RNASEL: variants seen among roughly 807,000 people sequenced by gnomAD.
RNASEL encodes the protein ribonuclease L, also known as 2-5A-dependent ribonuclease.
A neutral mutation model predicts 50.9 loss-of-function variants in RNASEL; 36 were observed. The observed-to-expected ratio is 0.71, with a 90% confidence interval of 0.54 to 0.93. The LOEUF is 0.93. Ranked by LOEUF, RNASEL falls within the 40% of genes least tolerant of loss-of-function variation. The pLI is 0.00. For synonymous variants in RNASEL, 335 were observed against 335.6 expected (o/e 1.00, Z 0.02); for missense variants, 860 against 894.5 (o/e 0.96, Z 0.49).
chr1:182,581,907 A>C (rs1002301487), intron 4 of RNASEL, 146 bp downstream of exon 4: 2 of 763,880 alleles, frequency 2.6e-6, no homozygotes, highest in Non-Finnish European at 4.7e-6. Flanking sequence ...AGAGAGGTTA[A>C]GTCATCTCTC....
chr1:182,585,956 T>C lies in RNASEL; in HGVS notation c.851A>G (p.Lys284Arg). Residue 284 changes from lysine (K) to arginine (R), a missense_variant, in exon 2 of 7, where the codon AAA (lysine) becomes AGA (arginine). Coordinates refer to ENST00000367559, the MANE Select transcript of RNASEL (RefSeq NM_021133.4). ...KTALLLAVEL[K>R]LKKIAELLCK... ...CAGCAACTCGGCGATTTTCTTCAGTTTGAGTTCAACAGCAAGCAGCAGTGC... is the reference window on the plus strand; with the variant it reads ...CAGCAACTCGGCGATTTTCTTCAGTCTGAGTTCAACAGCAAGCAGCAGTGC... 1.2e-6 allele frequency: 2 copies of C among 1,614,192 alleles called. No individual in the cohort carries two copies. Among genetic ancestry groups the C allele is most frequent in the African/African-American group, 2.7e-5 (2 of 75,062 alleles).
At chr1:182,584,378 CTTACATTTTATT>C (rs1437935922) in intron 2 of RNASEL, among the ~76,000 whole-genome samples, 1 of 152,114 alleles carries the variant, frequency 6.6e-6, no homozygotes, top group Non-Finnish European at 1.5e-5. Context: ...AAGAGCAGCA[CTTACATTTTATT>C]TTTTCCAGGC....
intron 5 of RNASEL, among the ~76,000 whole-genome samples, chr1:182,577,723 T>C (rs1050390490): frequency 6.6e-6 from 1 of 152,014 alleles, no homozygotes; most frequent in African/African-American, 2.4e-5. Flanking sequence ...CATTATGATA[T>C]ACCTCCAATT....
chr1:182,582,043 T>C lies in RNASEL; in HGVS notation c.1772+10A>G. On this transcript the variant is annotated intron_variant, in intron 4 of 6. Transcript: ENST00000367559. ...GGAGGCCTGTGGCATCTGCACAAAG[T>C]TTTACTTACCTCTCCCAAGTCCAAA... is the stretch of plus-strand genomic sequence containing the variant. 1 of 1,613,698 alleles carries C rather than the reference T, an allele frequency of 6.2e-7. No individual in the cohort carries two copies. Among genetic ancestry groups the C allele is most frequent in the South Asian group, 1.1e-5 (1 of 91,072 alleles).
At chr1:182,587,622 A>G (rs1014731938) in intron 1 of RNASEL, among the ~76,000 whole-genome samples, 2 of 151,792 alleles carry the variant, frequency 1.3e-5, no homozygotes, top group African/African-American at 4.8e-5. Flanking sequence ...TTCCAAAAAA[A>G]AAAAAAAAAG....
At chr1:182,579,427 A>T in intron 5 of RNASEL, 1 of 996,312 alleles carries the variant, frequency 1.0e-6, no homozygotes. Flanking sequence ...TAGGAAGAGT[A>T]ACTGATGAAA....
chr1:182,585,924 G>C lies in RNASEL; in HGVS notation c.883C>G (p.Arg295Gly), dbSNP rs1661585762. ...TCCCCACAATCTGTACTGGCTCCAC[G>C]TTTGCACAGCAACTCGGCGATTTTC... ...LKKIAELLCK[R>G]GASTDCGDLV... Residue 295 changes from arginine (R) to glycine (G), a missense_variant, in exon 2 of 7, where the codon CGT becomes GGT. Coordinates refer to ENST00000367559, the MANE Select transcript of RNASEL (RefSeq NM_021133.4). 6.2e-7 allele frequency: 1 copy of C among 1,614,120 alleles called. No individual in the cohort carries two copies. The highest frequency in any genetic ancestry group is 8.5e-7 in the Non-Finnish European group (1 of 1,180,010).
intron 4 of RNASEL, among the ~76,000 whole-genome samples, chr1:182,581,633 C>A (rs1661499630): frequency 6.6e-6 from 1 of 151,762 alleles, no homozygotes; most frequent in Admixed American, 6.6e-5. Flanking sequence ...AGGCACCTGC[C>A]ACCACACTCG....
intron 5 of RNASEL, chr1:182,576,624 TC>T: frequency 2.2e-5 from 9 of 408,224 alleles, no homozygotes; most frequent in South Asian, 6.0e-5. Context: ...CCCAGCACTT[TC>T]AGAGGCCGAA....
Position 182,576,270 on chromosome 1 carries a change from T to G in RNASEL, c.2025A>C (p.Glu675Asp). 1 of 1,611,646 alleles carries G rather than the reference T, an allele frequency of 6.2e-7. No homozygotes were observed. Residue 675 changes from glutamate to aspartate, a missense_variant, in exon 6 of 7, where the codon GAA (glutamate) becomes GAC (aspartate). Glu to Asp is a conservative substitution (Grantham distance 45). Transcript: ENST00000367559. ...ACAATACTTACTTTTTATGCTTTTC[T>G]TCATCAATGTGTTCTCCCAAATTCC... ...FIRNLGEHID[E>D]EKHKKMKLKI...
chr1:182,586,890 T>C lies in RNASEL; in HGVS notation c.-84A>G, dbSNP rs1661612164. On this transcript the variant is annotated 5_prime_UTR_variant, in exon 2 of 7. Coordinates refer to ENST00000367559, the MANE Select transcript of RNASEL (RefSeq NM_021133.4). ...TCTCCTAGCACTTAATCAAAGAAGC[T>C]TTGAGTGTAAATTGGGATTCTCTGG... 47 of 1,580,716 alleles carry C rather than the reference T, an allele frequency of 3.0e-5. No individual in the cohort carries two copies. In the South Asian group the frequency reaches 4.1e-4, roughly 14 times the overall value.
At position 182,583,461 on chromosome 1, in the gene RNASEL, T is replaced by TAATGA. The variant is rs548124108; in HGVS notation, c.1566+615_1566+619dup. Among the ~76,000 whole-genome samples the TAATGA allele has an allele frequency of 1.8e-4, 27 of 152,344 alleles. No homozygotes were observed. In the South Asian group the frequency reaches 5.4e-3, roughly 30 times the overall value. On this transcript the variant is annotated intron_variant, in intron 3 of 6. Coordinates refer to ENST00000367559, the MANE Select transcript of RNASEL (RefSeq NM_021133.4). Reference sequence around the variant, plus strand: ...CTCCAATTGCCCATAGGAAATAAGGTAATGAACTGTGACGGTTAATATTGA... The same window carrying TAATGA: ...CTCCAATTGCCCATAGGAAATAAGGTAATGAAATGAACTGTGACGGTTAATATTGA...
chr1:182,581,323 A>G lies in RNASEL; in HGVS notation c.1807T>C (p.Ser603Pro). 1.2e-6 allele frequency: 2 copies of G among 1,613,994 alleles called. No individual in the cohort carries two copies. Among genetic ancestry groups the G allele is most frequent in the Non-Finnish European group, 1.7e-6 (2 of 1,180,002 alleles). Residue 603 changes from serine (S) to proline (P), a missense_variant, in exon 5 of 7, where the codon TCC becomes CCC. Transcript: ENST00000367559. ...TCAGATTTTCGTGTTTTGATGTCGG[A>G]TTCATTTCCCACATTCCGAAGCGTC... The part of the protein sequence containing the change: ...YRTLRNVGNE[S>P]DIKTRKSESE...
rs137993708 is a variant in RNASEL at position 182,585,608 on chromosome 1, C to G, written c.1199G>C (p.Arg400Pro). Residue 400 changes from arginine (R) to proline (P), a missense_variant, in exon 2 of 7, where the codon CGT (arginine) becomes CCT (proline). Transcript: ENST00000367559. ...AVKTFCEGSPRAQREVSCLQS... is the reference protein window; with the variant it reads ...AVKTFCEGSPPAQREVSCLQS... ...CAGACAAGAGACTTCCCGCTGTGCA[C>G]GTGGGCTGCCCTCACAGAACGTCTT... 934 of 1,614,166 alleles carry G rather than the reference C, an allele frequency of 5.8e-4. 2 individuals are homozygous for G. Among genetic ancestry groups the G allele is most frequent in the Admixed American group, 2.0e-3 (118 of 60,020 alleles).
At chr1:182,588,374 A>G (rs1048665411) in intron 1 of RNASEL, among the ~76,000 whole-genome samples, 4 of 152,228 alleles carry the variant, frequency 2.6e-5, no homozygotes, top group African/African-American at 9.6e-5. Flanking sequence ...TGTTGCAAAT[A>G]TTAGCCACTC....
chr1:182,576,125 A>G (rs1288035586), intron 6 of RNASEL, 131 bp downstream of exon 6: 1 of 874,840 alleles, frequency 1.1e-6, no homozygotes, highest in African/African-American at 1.7e-5. Flanking sequence ...TTTTACACAC[A>G]GAGGGAAGGA....
rs753745002 is a variant in RNASEL at position 182,586,769 on chromosome 1, G to A, written c.38C>T (p.Pro13Leu). Residue 13 changes from proline to leucine, a missense_variant, in exon 2 of 7, where the codon CCC becomes CTC. Pro to Leu is a moderately conservative substitution (Grantham distance 98, BLOSUM62 -3). Transcript: ENST00000367559. ...AGCCCTTCTACCGCTGGAGGACGTG[G>A]GTCCCTCCTGGGGGTTGTTATGATC... is the stretch of plus-strand genomic sequence containing the variant. Reference protein sequence around the residue: ...SRDHNNPQEGPTSSSGRRAAV... With the variant: ...SRDHNNPQEGLTSSSGRRAAV... 2 of 1,614,220 alleles carry A rather than the reference G, an allele frequency of 1.2e-6. No homozygotes were observed. The highest frequency in any genetic ancestry group is 1.7e-6 in the Non-Finnish European group (2 of 1,180,044).
chr1:182,575,075 T>C lies in RNASEL; in HGVS notation c.*317A>G, dbSNP rs898783539. ...TGATAATCCCTGTTTTGCAAGATCA[T>C]TGGGAAAATTAAGTGAGAGAATTGT... On this transcript the variant is annotated 3_prime_UTR_variant, in exon 7 of 7. Coordinates refer to ENST00000367559, the MANE Select transcript of RNASEL (RefSeq NM_021133.4). 10 of 395,832 alleles carry C rather than the reference T, an allele frequency of 2.5e-5. No individual in the cohort carries two copies. Among genetic ancestry groups the C allele is most frequent in the African/African-American group, 8.0e-5 (4 of 49,880 alleles). The allele number at this position is 395,832 out of a possible 1,614,324, so 24.5% of individuals were successfully genotyped here.
rs1053605051 is a variant in RNASEL at position 182,585,236 on chromosome 1, C to T, written c.1480+91G>A. 6 of 1,252,464 alleles carry T rather than the reference C, an allele frequency of 4.8e-6. No individual in the cohort carries two copies. The East Asian group carries it at 1.2e-4, about 24-fold the overall frequency. The allele number at this position is 1,252,464 out of a possible 1,614,324, so 77.6% of individuals were successfully genotyped here. On this transcript the variant is annotated intron_variant, in intron 2 of 6. Coordinates refer to ENST00000367559, the MANE Select transcript of RNASEL (RefSeq NM_021133.4). ...ACAAATTGAATCATCCACATTTACTCTAGGCCTTTCCTCTCTGCAATGAAA... is the reference window on the plus strand; with the variant it reads ...ACAAATTGAATCATCCACATTTACTTTAGGCCTTTCCTCTCTGCAATGAAA...
Sources: allele counts gnomAD v4.1 joint callset (sites outside exome capture counted in the v4.1 genomes callset), GRCh38; gene constraint gnomAD v4.1.1; transcripts MANE v1.5; gene names NCBI Gene and HGNC (gene_info 2026-07-23, HGNC 2026-07-21).